Variants in CHEK2 observed in about 807,000 individuals in gnomAD.
CHEK2 encodes serine/threonine-protein kinase Chk2.
A neutral mutation model predicts 69.1 loss-of-function variants in CHEK2; 71 were observed. That is an observed-to-expected ratio of 1.03 (90% CI 0.85 to 1.25). The LOEUF (loss-of-function observed/expected upper bound fraction) is 1.25, where lower values mean the gene tolerates loss of function less well. Among genes scored for constraint, CHEK2 ranks in the 50% most tolerant of loss-of-function variants. The probability of loss-of-function intolerance (pLI) is 0.00; values close to 1 mark genes in which losing one functional copy is unlikely to be tolerated. For synonymous variants in CHEK2, 189 were observed against 226.9 expected (o/e 0.83, Z 1.50); for missense variants, 664 against 649.6 (o/e 1.02, Z -0.24).
Position 28,694,087 on chromosome 22 carries a change from A to G in CHEK2, c.1406T>C (p.Val469Ala), listed in dbSNP as rs763344790. 1.3e-6 allele frequency: 2 copies of G among 1,595,964 alleles called. No homozygotes were observed. The highest frequency in any genetic ancestry group is 1.7e-6 in the Non-Finnish European group (2 of 1,179,448). Residue 469 changes from valine to alanine, a missense_variant, in exon 13 of 15, where the codon GTG becomes GCG. By Grantham distance (64) the Val-to-Ala change is moderately conservative (BLOSUM62 0). Coordinates refer to ENST00000404276, the MANE Select transcript of CHEK2 (RefSeq NM_007194.4). ...TGTCGTAAAACGTGCCTTTGGATCC[A>G]CTACCAACAACTTCTTGACAAGGTC... Reference protein sequence around the residue: ...ALDLVKKLLVVDPKARFTTEE... With the variant: ...ALDLVKKLLVADPKARFTTEE...
At chr22:28,688,482 A>G (rs2052212229) in intron 14 of CHEK2, among the ~76,000 whole-genome samples, 1 of 152,250 alleles carries the variant, frequency 6.6e-6, no homozygotes, top group African/African-American at 2.4e-5. Flanking sequence ...AAGCCTGACC[A>G]ACATGGCAAA....
chr22:28,719,622 T>G (rs2146009600), intron 4 of CHEK2, 137 bp from the exon 5 acceptor site: 2 of 609,236 alleles, frequency 3.3e-6, no homozygotes, highest in Middle Eastern at 8.5e-4. Context: ...AGGAAATTAG[T>G]ATGTATGTAA....
intron 4 of CHEK2, among the ~76,000 whole-genome samples, chr22:28,720,903 C>T (rs2053751182): frequency 6.6e-6 from 1 of 152,172 alleles, no homozygotes; most frequent in Non-Finnish European, 1.5e-5. Flanking sequence ...GGTAATGTAA[C>T]AGGGTCAGGC....
Position 28,697,005 on chromosome 22 carries a change from C to A in CHEK2, c.1009-18G>T. The A allele has an allele frequency of 6.6e-7, 1 of 1,520,174 alleles. No individual in the cohort carries two copies. Among genetic ancestry groups the A allele is most frequent in the South Asian group, 1.1e-5 (1 of 89,188 alleles). 94.2% of individuals were successfully genotyped at this position (1,520,174 alleles called of 1,614,324 possible). A position where few individuals can be genotyped will look rare whatever the true frequency, so the allele number is the denominator to read the frequency against. On this transcript the variant is annotated intron_variant, in intron 9 of 14. Transcript: ENST00000404276. ...TGAAGGTACTACACAGAAAGGCAGG[C>A]ATGACCCTCAGATTCATGCAGTAGA...
intron 2 of CHEK2, among the ~76,000 whole-genome samples, chr22:28,728,487 A>G (rs2146095007): frequency 6.6e-6 from 1 of 152,302 alleles, no homozygotes; most frequent in Admixed American, 6.5e-5. Context: ...TGACTTCAGG[A>G]GATTGAGACC....
At chr22:28,710,593 C>A (rs2053357792) in intron 6 of CHEK2, among the ~76,000 whole-genome samples, 1 of 152,168 alleles carries the variant, frequency 6.6e-6, no homozygotes, top group African/African-American at 2.4e-5. Flanking sequence ...AGCAGCCTCG[C>A]ATATTTACTG....
chr22:28,692,361 G>C (rs1477770190), intron 13 of CHEK2, among the ~76,000 whole-genome samples: 1 of 152,044 alleles, frequency 6.6e-6, no homozygotes, highest in Non-Finnish European at 1.5e-5. Context: ...TTTCCTCCAG[G>C]GTCCCACTGT....
intron 4 of CHEK2, among the ~76,000 whole-genome samples, chr22:28,721,287 T>TG (rs1247978107): frequency 6.9e-6 from 1 of 144,872 alleles, no homozygotes. Flanking sequence ...TTGGGTTTTT[T>TG]TTTTTTTTTT....
chr22:28,700,264 T>C (rs1337993288), intron 8 of CHEK2, among the ~76,000 whole-genome samples: 1 of 147,098 alleles, frequency 6.8e-6, no homozygotes, highest in Admixed American at 7.0e-5. Context: ...CAGGTTGGAG[T>C]GCAGTGGTGC....
rs572668197 is a variant in CHEK2 at position 28,696,913 on chromosome 22, G to A, written c.1083C>T (p.Asp361=). The change falls in exon 10 of 15, where the codon GAC becomes GAT. Residue 361 remains aspartate (D), a synonymous_variant. Coordinates refer to ENST00000404276, the MANE Select transcript of CHEK2 (RefSeq NM_007194.4). Reference sequence around the variant, plus strand: ...GCCAATTTCTTACCTTTATAAGACAGTCCTCTTCTTGAGATGACAGTAAAA... The same window carrying A: ...GCCAATTTCTTACCTTTATAAGACAATCCTCTTCTTGAGATGACAGTAAAA... ...ENVLLSSQEE[D]CLIKITDFGH... is the part of the protein sequence containing the mutation. 1.9e-6 allele frequency: 3 copies of A among 1,610,264 alleles called. No homozygotes were observed. The African/African-American group carries it at 4.0e-5, about 21-fold the overall frequency.
intron 5 of CHEK2, among the ~76,000 whole-genome samples, chr22:28,714,925 A>C (rs2053535088): frequency 6.6e-6 from 1 of 152,184 alleles, no homozygotes; most frequent in African/African-American, 2.4e-5. Context: ...TTCCTCCCCA[A>C]GTCCGTGCAG....
intron 4 of CHEK2, among the ~76,000 whole-genome samples, chr22:28,722,057 A>T (rs1255691901): frequency 6.6e-6 from 1 of 152,086 alleles, no homozygotes; most frequent in Non-Finnish European, 1.5e-5. Context: ...TATTAAATAA[A>T]TTTTTTAATG....
chr22:28,697,296 A>C (rs1287138308), intron 9 of CHEK2, among the ~76,000 whole-genome samples: 2 of 152,200 alleles, frequency 1.3e-5, no homozygotes, highest in Non-Finnish European at 2.9e-5. Context: ...CAAATGGGTA[A>C]CAGAAAATGT....
intron 8 of CHEK2, among the ~76,000 whole-genome samples, chr22:28,701,585 T>C (rs1317098495): frequency 6.6e-6 from 1 of 152,210 alleles, no homozygotes; most frequent in Non-Finnish European, 1.5e-5. Flanking sequence ...ATTCTGTGCC[T>C]GCCACAATAG....
At position 28,695,225 on chromosome 22, in the gene CHEK2, G is replaced by T. The variant is rs769933461; in HGVS notation, c.1277C>A (p.Pro426His). 3.1e-6 allele frequency: 5 copies of T among 1,606,960 alleles called. No individual in the cohort carries two copies. The highest frequency in any genetic ancestry group is 3.4e-6 in the Non-Finnish European group (4 of 1,173,652). Reference protein sequence around the residue: ...ILFICLSGYPPFSEHRTQVSL... With the variant: ...ILFICLSGYPHFSEHRTQVSL... Reference sequence around the variant, plus strand: ...CACTTGAGTCCTATGCTCAGAGAAAGGTGGATACCCACTAAGGCTTAATAT... The same window carrying T: ...CACTTGAGTCCTATGCTCAGAGAAATGTGGATACCCACTAAGGCTTAATAT... The change falls in exon 12 of 15, where the codon CCT becomes CAT. Residue 426 changes from proline (P) to histidine (H), a missense_variant. By Grantham distance (77) the Pro-to-His change is moderately conservative. Transcript: ENST00000404276.
In CHEK2 at chr22:28,695,101, A is replaced by G. The variant is rs527418829; in HGVS notation, c.1375+26T>C. 194 of 1,447,434 alleles carry G rather than the reference A, an allele frequency of 1.3e-4. 2 individuals carry two copies. In the South Asian group the frequency reaches 1.6e-3, roughly 12 times the overall value. The allele number at this position is 1,447,434 out of a possible 1,614,324, so 89.7% of individuals were successfully genotyped here. On this transcript the variant is annotated intron_variant, in intron 12 of 14. Coordinates refer to ENST00000404276, the MANE Select transcript of CHEK2 (RefSeq NM_007194.4). ...CACATACACATTTTAGCATACCACA[A>G]ATTCTTAACCCTTTCATATTCATAC...
Position 28,687,939 on chromosome 22 carries a change from G to A in CHEK2, c.1590C>T (p.Ala530=), listed in dbSNP as rs786201796. The change falls in exon 15 of 15, where the codon GCC becomes GCT. Residue 530 remains alanine (A), a synonymous_variant. Transcript: ENST00000404276. ...KRPREGEAEG[A]ETTKRPAVCA... ...ACACAGCTGGGCGCTTTGTGGTCTC[G>A]GCACCCTCGGCTTCCCCTTCACGGG... The A allele has an allele frequency of 4.1e-5, 66 of 1,596,272 alleles. No homozygotes were observed. Among genetic ancestry groups the A allele is most frequent in the Non-Finnish European group, 5.1e-5 (60 of 1,179,758 alleles).
Position 28,710,067 on chromosome 22 carries a change from A to C in CHEK2, c.793-8T>G, listed in dbSNP as rs2145934407. The C allele has an allele frequency of 1.3e-6, 2 of 1,543,220 alleles. No individual in the cohort carries two copies. The highest frequency in any genetic ancestry group is 1.8e-6 in the Non-Finnish European group (2 of 1,118,156). ...AACATTGAGAGCTGGGTCCTTTGATAAACAGAATAACAGAGTTTATTAGTA... is the reference window on the plus strand; with the variant it reads ...AACATTGAGAGCTGGGTCCTTTGATCAACAGAATAACAGAGTTTATTAGTA... On this transcript the variant is annotated splice_polypyrimidine_tract_variant and splice_region_variant and intron_variant, in intron 6 of 14. Transcript: ENST00000404276.
intron 4 of CHEK2, chr22:28,721,606 G>C (rs1414464405): frequency 2.2e-6 from 1 of 461,870 alleles, no homozygotes; most frequent in Admixed American, 2.5e-5. Flanking sequence ...AAAATCAGCT[G>C]AGAGAGTAGA....
Sources: allele counts gnomAD v4.1 joint callset (sites outside exome capture counted in the v4.1 genomes callset), GRCh38; gene constraint gnomAD v4.1.1; transcripts MANE v1.5; gene names NCBI Gene and HGNC (gene_info 2026-07-23, HGNC 2026-07-21).